GART: variants seen among roughly 807,000 people sequenced by gnomAD.
GART encodes phosphoribosylglycinamide formyltransferase, phosphoribosylglycinamide synthetase, phosphoribosylaminoimidazole synthetase, also known as trifunctional purine biosynthetic protein adenosine-3.
GART carries 43 observed loss-of-function variants against 107.2 expected under a neutral mutation model. That is an observed-to-expected ratio of 0.40 (90% confidence interval 0.31 to 0.52). The LOEUF (loss-of-function observed/expected upper bound fraction) is 0.52, where lower values mean the gene tolerates loss of function less well. Ranked by LOEUF, GART falls within the 20% of genes least tolerant of loss-of-function variation. The pLI is 0.52. For synonymous variants in GART, 434 were observed against 427.0 expected (o/e 1.02, Z -0.20); for missense variants, 1,107 against 1,206.5 (o/e 0.92, Z 1.22).
rs1044406566 is a variant in GART, at chr21:33,531,513, T to A, written c.573A>T (p.Glu191Asp). The change falls in exon 6 of 22, where the codon GAA (glutamate) becomes GAT (aspartate). Residue 191 changes from glutamate to aspartate, a missense_variant. Coordinates refer to ENST00000381815, the MANE Select transcript of GART (RefSeq NM_000819.5). ...GAAGETIVIE[E>D]LLDGEEVSCL... ...CCGACACCTCTTCTCCGTCAAGAAG[T>A]TCTTCAATGACAATTGTTTCTCCAG... 2 of 1,612,942 alleles carry A rather than the reference T, an allele frequency of 1.2e-6. No homozygotes were observed. Among genetic ancestry groups the A allele is most frequent in the African/African-American group, 2.7e-5 (2 of 74,836 alleles).
intron 15 of GART, 30 bp downstream of exon 15, chr21:33,517,327 G>A (rs2084896436): frequency 6.2e-7 from 1 of 1,612,640 alleles, no homozygotes; most frequent in African/African-American, 1.3e-5. Context: ...GCATTTCCAA[G>A]CAGGACAGTT....
intron 4 of GART, among the ~76,000 whole-genome samples, chr21:33,534,284 C>T (rs1167327911): frequency 5.9e-5 from 9 of 152,108 alleles, no homozygotes; most frequent in Non-Finnish European, 1.3e-4. Flanking sequence ...ACAATCTTGG[C>T]TCAGTGCAGC....
chr21:33,528,519 T>C lies in GART; in HGVS notation c.897A>G (p.Gln299=). ...FNCRFGDPEC[Q]VILPLLKSDL... is the part of the protein sequence containing the mutation. ...GTAATACTTTGATATTTTTACCCACTTGGCACTCTGGATCACCAAAACGGC... is the reference window on the plus strand; with the variant it reads ...GTAATACTTTGATATTTTTACCCACCTGGCACTCTGGATCACCAAAACGGC... Residue 299 remains glutamine, a splice_region_variant and synonymous_variant, in exon 9 of 22, where the codon CAA becomes CAG. Coordinates refer to ENST00000381815, the MANE Select transcript of GART (RefSeq NM_000819.5). 4 of 1,602,060 alleles carry C rather than the reference T, an allele frequency of 2.5e-6. No individual in the cohort carries two copies. Among genetic ancestry groups the C allele is most frequent in the Non-Finnish European group, 3.4e-6 (4 of 1,175,780 alleles).
At chr21:33,526,633 T>G (rs375606488) in intron 10 of GART, among the ~76,000 whole-genome samples, 8 of 152,272 alleles carry the variant, frequency 5.3e-5, no homozygotes, top group African/African-American at 1.9e-4. Context: ...ATCTTTTCAC[T>G]ATTATAACAC....
At chr21:33,534,516 C>T in intron 4 of GART, 63 bp downstream of exon 4, 5 of 1,578,220 alleles carry the variant, frequency 3.2e-6, no homozygotes, top group Non-Finnish European at 4.3e-6. Flanking sequence ...TGCCTGGCCA[C>T]TGACCTGTGT....
intron 16 of GART, among the ~76,000 whole-genome samples, chr21:33,515,812 C>A (rs1248971166): frequency 6.6e-6 from 1 of 152,096 alleles, no homozygotes; most frequent in Non-Finnish European, 1.5e-5. Context: ...GTCTCCACAA[C>A]TCTGCCACAA....
At position 33,522,651 on chromosome 21, in the gene GART, T is replaced by TA. The variant is rs529647686; in HGVS notation, c.1299-370dup. Reference sequence around the variant, plus strand: ...ATACACAACATAAAATTCAGCATCTTAACCATTTTTAAGTGAACAGTTCAA... The same window carrying TA: ...ATACACAACATAAAATTCAGCATCTTAAACCATTTTTAAGTGAACAGTTCAA... On this transcript the variant is annotated intron_variant, in intron 11 of 21. Coordinates refer to ENST00000381815, the MANE Select transcript of GART (RefSeq NM_000819.5). Among the ~76,000 whole-genome samples the TA allele has an allele frequency of 2.6e-5, 4 of 152,332 alleles. No homozygotes were observed. The South Asian group carries it at 8.3e-4, about 32-fold the overall frequency.
rs753942325 is a variant in GART at position 33,534,568 on chromosome 21, C to A, written c.416+11G>T. ...TAAACAACTGTCCTTCACAGACAAC[C>A]ATTTACCTACCTCAAAATGAAGCTG... On this transcript the variant is annotated intron_variant, in intron 4 of 21. Coordinates refer to ENST00000381815, the MANE Select transcript of GART (RefSeq NM_000819.5). 1.2e-6 allele frequency: 2 copies of A among 1,613,918 alleles called. No homozygotes were observed. The highest frequency in any genetic ancestry group is 1.7e-5 in the Admixed American group (1 of 59,974).
intron 6 of GART, chr21:33,531,286 C>T: frequency 1.8e-6 from 1 of 555,316 alleles, no homozygotes; most frequent in South Asian, 2.9e-5. Context: ...AGTGCCCCCA[C>T]TAACACACTA....
At chr21:33,538,080 T>C (rs1157491130) in intron 2 of GART, among the ~76,000 whole-genome samples, 1 of 151,690 alleles carries the variant, frequency 6.6e-6, no homozygotes, top group Admixed American at 6.6e-5. Context: ...CGGTCTCTAC[T>C]AAAAAAACAA....
chr21:33,539,547 G>T (rs1420953794), intron 1 of GART, among the ~76,000 whole-genome samples, 191 bp from the exon 2 acceptor site: 1 of 152,022 alleles, frequency 6.6e-6, no homozygotes, highest in Admixed American at 6.6e-5. Flanking sequence ...ACAAAAATTA[G>T]CCAGGCATGG....
At chr21:33,523,100 A>C (rs1039319107) in intron 11 of GART, among the ~76,000 whole-genome samples, 6 of 152,230 alleles carry the variant, frequency 3.9e-5, no homozygotes, top group African/African-American at 1.4e-4. Context: ...GGAGCAGTAC[A>C]TTTAGAGATC....
At chr21:33,506,776 TA>T (rs2084689477) in intron 18 of GART, among the ~76,000 whole-genome samples, 1 of 152,144 alleles carries the variant, frequency 6.6e-6, no homozygotes, top group Admixed American at 6.6e-5. Flanking sequence ...AGACATTTCT[TA>T]AAAGAAAACA....
At chr21:33,518,628 G>C (rs2084918428) in intron 14 of GART, 4 of 358,410 alleles carry the variant, frequency 1.1e-5, no homozygotes, top group Non-Finnish European at 1.6e-5. Flanking sequence ...TAAAATAGCA[G>C]CTCCTAGTTA....
intron 11 of GART, chr21:33,524,403 T>C: frequency 1.6e-6 from 1 of 618,928 alleles, no homozygotes; most frequent in Non-Finnish European, 2.0e-6. Context: ...ACAAAAAAAT[T>C]AGCCAGGTGT....
chr21:33,532,099 C>A, intron 5 of GART: 1 of 442,676 alleles, frequency 2.3e-6, no homozygotes, highest in Non-Finnish European at 4.0e-6. Flanking sequence ...TGAGGATTTT[C>A]TTTCAGTGGC....
Position 33,528,931 on chromosome 21 carries a change from T to C in GART, c.730A>G (p.Asn244Asp), listed in dbSNP as rs200556560. Residue 244 changes from asparagine to aspartate, a missense_variant, in exon 8 of 22, where the codon AAT becomes GAT. By Grantham distance (23) the Asn-to-Asp change is conservative. Transcript: ENST00000381815. ...TCTTTAATTTTTAGTAATAGATCAT[T>C]AGAAACCTGGAGAACGTGCAGAAAC... ...GAYCPAPQVS[N>D]DLLLKIKDTV... is the part of the protein sequence containing the mutation. The C allele has an allele frequency of 1.5e-4, 249 of 1,608,678 alleles. 3 individuals are homozygous for C. In the South Asian group the frequency reaches 2.6e-3, roughly 17 times the overall value.
At chr21:33,516,040 G>GAATTCGA (rs113857231) in intron 16 of GART, among the ~76,000 whole-genome samples, 56 of 151,978 alleles carry the variant, frequency 3.7e-4, no homozygotes, top group African/African-American at 1.3e-3. Flanking sequence ...TTGAGGTCAG[G>GAATTCGA]AATTCGAAAC....
At chr21:33,509,651 G>A in intron 18 of GART, 132 bp downstream of exon 18, 1 of 871,436 alleles carries the variant, frequency 1.1e-6, no homozygotes, top group Non-Finnish European at 1.7e-6. Flanking sequence ...ATGCTGAAAA[G>A]ACAAAGACAA....
Sources: allele counts gnomAD v4.1 joint callset (sites outside exome capture counted in the v4.1 genomes callset), GRCh38; gene constraint gnomAD v4.1.1; transcripts MANE v1.5; gene names NCBI Gene and HGNC (gene_info 2026-07-23, HGNC 2026-07-21).